Variants in TRABD2A observed in about 807,000 individuals in gnomAD.
The protein encoded by TRABD2A is metalloprotease TIKI1.
A neutral mutation model predicts 45.6 loss-of-function variants in TRABD2A; 43 were observed. The observed-to-expected ratio is 0.94, with a 90% CI of 0.74 to 1.22. The LOEUF is 1.22. TRABD2A is among the 50% of genes most tolerant of loss of function. The pLI is 0.00. For synonymous variants in TRABD2A, 269 were observed against 265.0 expected (o/e 1.02, Z -0.15); for missense variants, 642 against 652.4 (o/e 0.98, Z 0.17).
intron 2 of TRABD2A, among the ~76,000 whole-genome samples, chr2:84,869,973 CAAAA>C (rs36090318): frequency 2.6e-5 from 2 of 76,422 alleles, no homozygotes. Context: ...GACTCTGTCC[CAAAA>C]AAAAAAAAAA....
intron 1 of TRABD2A, among the ~76,000 whole-genome samples, chr2:84,875,269 G>A (rs1175069937): frequency 3.3e-5 from 5 of 152,222 alleles, no homozygotes; most frequent in East Asian, 1.9e-4. Flanking sequence ...CCGTGAAGGA[G>A]ACGAGGGGCC....
intron 2 of TRABD2A, among the ~76,000 whole-genome samples, chr2:84,848,523 T>C (rs1005870227): frequency 6.8e-6 from 1 of 148,032 alleles, no homozygotes; most frequent in Admixed American, 6.8e-5. Flanking sequence ...ATTTTATATA[T>C]ATAATTTATA....
chr2:84,833,110 A>T (rs1681397171), intron 4 of TRABD2A: 1 of 152,070 alleles, frequency 6.6e-6, no homozygotes, highest in Non-Finnish European at 1.5e-5. Context: ...CATGCATCAA[A>T]GGGGGTGTTC....
intron 4 of TRABD2A, chr2:84,837,913 T>A (rs566498977): frequency 1.4e-5 from 4 of 295,894 alleles, no homozygotes; most frequent in Non-Finnish European, 2.5e-5. Flanking sequence ...ATTTTGCTTT[T>A]AAGTTTTTTG....
chr2:84,859,884 A>G (rs1476982078), intron 2 of TRABD2A, among the ~76,000 whole-genome samples: 3 of 152,166 alleles, frequency 2.0e-5, no homozygotes, highest in Non-Finnish European at 2.9e-5. Context: ...CATCACAGGT[A>G]GGAAACTGGC....
At chr2:84,877,796 C>T (rs901507455) in intron 1 of TRABD2A, among the ~76,000 whole-genome samples, 4 of 152,212 alleles carry the variant, frequency 2.6e-5, no homozygotes, top group African/African-American at 7.2e-5. Flanking sequence ...CTCCTCCCAT[C>T]CTAGCATCCC....
At chr2:84,846,134 G>A (rs977169118) in intron 2 of TRABD2A, among the ~76,000 whole-genome samples, 2 of 152,252 alleles carry the variant, frequency 1.3e-5, no homozygotes, top group Middle Eastern at 3.4e-3. Context: ...TGAGCACTAT[G>A]GTGAGGAGAC....
intron 2 of TRABD2A, among the ~76,000 whole-genome samples, chr2:84,862,928 G>C (rs1218101306): frequency 6.6e-6 from 1 of 151,436 alleles, no homozygotes; most frequent in Non-Finnish European, 1.5e-5. Flanking sequence ...GAAACTAAAG[G>C]GATGTCCAAC....
intron 3 of TRABD2A, among the ~76,000 whole-genome samples, chr2:84,839,531 T>C (rs1681638541): frequency 6.6e-6 from 1 of 152,200 alleles, no homozygotes; most frequent in South Asian, 2.1e-4. Flanking sequence ...TGAAGTGCAT[T>C]GAATGAACTC....
At chr2:84,833,725 A>G (rs1391034819) in intron 4 of TRABD2A, 1 of 151,600 alleles carries the variant, frequency 6.6e-6, no homozygotes, top group East Asian at 2.0e-4. Flanking sequence ...ACTTTGCCTT[A>G]GAAGGAGCCA....
intron 5 of TRABD2A, 140 bp from the exon 6 acceptor site, chr2:84,824,344 C>G (rs1681087577): frequency 1.6e-6 from 2 of 1,241,622 alleles, no homozygotes; most frequent in African/African-American, 1.5e-5. Flanking sequence ...GCAGAAATTA[C>G]CCAGTTCTTG....
At position 84,836,943 on chromosome 2, in the gene TRABD2A, T is replaced by C. The variant is rs563861806; in HGVS notation, c.991+2206A>G. ...ATATTCTGTATTGGTGAGATATTGT[T>C]CTCAAACTTTCCTTTAATTCTTTAG... On this transcript the variant is annotated intron_variant, in intron 4 of 6. Transcript: ENST00000409520. 7.2e-5 allele frequency: 11 copies of C among 151,930 alleles called. No homozygotes were observed. The South Asian group carries it at 2.3e-3, about 32-fold the overall frequency. 9.4% of individuals were successfully genotyped at this position (151,930 alleles called of 1,614,324 possible).
chr2:84,861,086 G>A (rs548504197), intron 2 of TRABD2A, among the ~76,000 whole-genome samples: 2 of 152,258 alleles, frequency 1.3e-5, no homozygotes, highest in South Asian at 2.1e-4. Context: ...CCTGGCGATC[G>A]ATTTACAGGG....
chr2:84,866,815 C>T (rs1306004105), intron 2 of TRABD2A, among the ~76,000 whole-genome samples: 3 of 151,964 alleles, frequency 2.0e-5, no homozygotes, highest in Admixed American at 6.6e-5. Flanking sequence ...CCAGGTGTGG[C>T]GGCTCACGCC....
At chr2:84,874,793 TG>T in intron 1 of TRABD2A, 1 of 239,280 alleles carries the variant, frequency 4.2e-6, no homozygotes, top group South Asian at 6.3e-5. Flanking sequence ...ACAGTGAAAC[TG>T]ACCATTCAGA....
chr2:84,822,572 G>A (rs1329900995), intron 6 of TRABD2A, among the ~76,000 whole-genome samples: 1 of 152,152 alleles, frequency 6.6e-6, no homozygotes, highest in Non-Finnish European at 1.5e-5. Context: ...TCAAGCTGAG[G>A]GGCCCATGAC....
In TRABD2A at chr2:84,873,261, C is replaced by T. The variant is rs573524308; in HGVS notation, c.109-2476G>A. On this transcript the variant is annotated intron_variant, in intron 1 of 6. Coordinates refer to ENST00000409520, the MANE Select transcript of TRABD2A (RefSeq NM_001277053.2). ...TGAAACTCCACCTCTACTAAAAAGA[C>T]AAAAATTAGCCGGACATGGTGGCAA... Among the ~76,000 whole-genome samples the T allele has an allele frequency of 3.3e-4, 50 of 149,990 alleles. No individual in the cohort carries two copies. The Middle Eastern group carries it at 0.011, about 32-fold the overall frequency.
intron 2 of TRABD2A, among the ~76,000 whole-genome samples, chr2:84,865,729 G>A (rs1469858099): frequency 1.3e-5 from 2 of 152,184 alleles, no homozygotes; most frequent in Non-Finnish European, 1.5e-5. Flanking sequence ...GGCAGAGCAG[G>A]CATTGCAATT....
chr2:84,833,625 A>G (rs978142332), intron 4 of TRABD2A: 1 of 152,092 alleles, frequency 6.6e-6, no homozygotes, highest in Admixed American at 6.5e-5. Context: ...TTAAAAGCAC[A>G]CGGTAATGTG....
Sources: gnomAD v4.1 joint callset for allele counts (sites outside exome capture counted in the v4.1 genomes callset) on GRCh38, gnomAD v4.1.1 for gene constraint, MANE v1.5 for transcripts, NCBI Gene and HGNC (gene_info 2026-07-23, HGNC 2026-07-21) for gene names.